RBFOX1: variants seen among roughly 807,000 people sequenced by gnomAD.
The protein encoded by RBFOX1 is RNA binding protein fox-1 homolog 1.
A neutral mutation model predicts 57.7 loss-of-function variants in RBFOX1; 8 were observed. The ratio of observed to expected loss-of-function variants is 0.14; its 90% confidence interval spans 0.08 to 0.25. The LOEUF (loss-of-function observed/expected upper bound fraction) is 0.25, where lower values mean the gene tolerates loss of function less well. Among genes scored for constraint, RBFOX1 ranks in the 10% least tolerant of loss-of-function variants. RBFOX1 has a pLI of 1.00. For missense variants in RBFOX1, 611 were observed against 548.5 expected, an observed-to-expected ratio of 1.11 and a Z score of -1.14; for synonymous variants, 326 against 222.4, an observed-to-expected ratio of 1.47 and a Z score of -4.15.
At chr16:5,718,679 G>A (rs997576547) in intron 3 of RBFOX1, among the ~76,000 whole-genome samples, 1 of 152,202 alleles carries the variant, frequency 6.6e-6, no homozygotes, top group Admixed American at 6.5e-5. Context: ...GGCCAAGGCA[G>A]GTGGATCACC....
At chr16:6,869,754 A>C (rs188802508) in intron 3 of RBFOX1, among the ~76,000 whole-genome samples, 83 of 152,328 alleles carry the variant, frequency 5.4e-4, no homozygotes, top group African/African-American at 1.9e-3. Context: ...GGAAATGGGT[A>C]AAATTCTAAA....
intron 4 of RBFOX1, among the ~76,000 whole-genome samples, chr16:5,965,385 T>A (rs898896446): frequency 1.3e-5 from 2 of 152,206 alleles, no homozygotes; most frequent in Non-Finnish European, 2.9e-5. Flanking sequence ...TGTGTACATA[T>A]ATCAAAACAT....
At chr16:7,571,955 C>G (rs2092819584) in intron 5 of RBFOX1, among the ~76,000 whole-genome samples, 1 of 152,136 alleles carries the variant, frequency 6.6e-6, no homozygotes, top group Non-Finnish European at 1.5e-5. Context: ...ATGATGAAAC[C>G]CTGTCTCTAT....
intron 3 of RBFOX1, among the ~76,000 whole-genome samples, chr16:6,684,437 A>T (rs1423277218): frequency 6.6e-6 from 1 of 152,234 alleles, no homozygotes; most frequent in East Asian, 1.9e-4. Context: ...AGGGAATATC[A>T]AGATGCAATC....
chr16:7,193,021 T>C (rs2085810984), intron 4 of RBFOX1, among the ~76,000 whole-genome samples: 1 of 152,212 alleles, frequency 6.6e-6, no homozygotes, highest in Admixed American at 6.5e-5. Context: ...TTGCCTTACC[T>C]ATGGCCATGT....
intron 3 of RBFOX1, among the ~76,000 whole-genome samples, chr16:5,818,327 A>C (rs1429400778): frequency 6.6e-6 from 1 of 152,152 alleles, no homozygotes; most frequent in Non-Finnish European, 1.5e-5. Context: ...ATTGCACATC[A>C]TGCCTTGCAA....
chr16:6,906,817 G>T (rs1360539039), intron 3 of RBFOX1, among the ~76,000 whole-genome samples: 2 of 151,702 alleles, frequency 1.3e-5, no homozygotes, highest in African/African-American at 2.4e-5. Context: ...CTACCTCCTG[G>T]GTTCAAGCAA....
rs1216945965 is a variant in RBFOX1 at position 5,608,408 on chromosome 16, A to G, written c.318+9447A>G. 2.6e-5 allele frequency among the ~76,000 whole-genome samples: 4 copies of G among 152,128 alleles called. 1 individual carries two copies. The highest frequency in any genetic ancestry group is 4.1e-4 in the South Asian group (2 of 4,820). On this transcript the variant is annotated intron_variant, in intron 3 of 19. Coordinates refer to the RBFOX1 transcript ENST00000641259. Reference sequence around the variant, plus strand: ...CACGTGGCCACATGATGAAGGGGCAATATGGCAAAGTGGTTCTGTGCATGG... The same window carrying G: ...CACGTGGCCACATGATGAAGGGGCAGTATGGCAAAGTGGTTCTGTGCATGG...
intron 3 of RBFOX1, among the ~76,000 whole-genome samples, chr16:7,036,692 C>A (rs751981365): frequency 1.9e-4 from 28 of 144,784 alleles, no homozygotes; most frequent in Non-Finnish European, 3.3e-4. Context: ...AACTCCGTCT[C>A]AAAAACAAAC....
intron 11 of RBFOX1, among the ~76,000 whole-genome samples, chr16:7,651,884 C>T (rs2065137328): frequency 6.6e-6 from 1 of 152,178 alleles, no homozygotes; most frequent in African/African-American, 2.4e-5. Context: ...ACAATACCTG[C>T]TGCTTAGTGA....
At chr16:6,685,649 A>C (rs2059344407) in intron 3 of RBFOX1, among the ~76,000 whole-genome samples, 1 of 152,020 alleles carries the variant, frequency 6.6e-6, no homozygotes, top group African/African-American at 2.4e-5. Context: ...AGTTACACAA[A>C]AGTCATCCAT....
intron 9 of RBFOX1, among the ~76,000 whole-genome samples, chr16:7,605,241 A>G (rs2095239520): frequency 6.6e-6 from 1 of 152,204 alleles, no homozygotes; most frequent in African/African-American, 2.4e-5. Context: ...ACATTCTGAA[A>G]TGTCTGAACT....
intron 1 of RBFOX1, among the ~76,000 whole-genome samples, chr16:5,433,061 A>G (rs143589321): frequency 3.3e-5 from 5 of 152,300 alleles, no homozygotes; most frequent in Non-Finnish European, 7.4e-5. Context: ...GATGGATGGA[A>G]AACGCAGGAG....
intron 3 of RBFOX1, among the ~76,000 whole-genome samples, chr16:5,757,963 G>T (rs1330017955): frequency 2.0e-5 from 3 of 152,160 alleles, no homozygotes; most frequent in African/African-American, 7.2e-5. Context: ...TCACTGTGAA[G>T]TTCTGTACTG....
At chr16:5,681,593 A>G (rs1037817272) in intron 3 of RBFOX1, among the ~76,000 whole-genome samples, 2 of 150,356 alleles carry the variant, frequency 1.3e-5, no homozygotes, top group African/African-American at 4.9e-5. Context: ...GACTTTCTCC[A>G]TGTTGGTCAG....
chr16:7,636,482 G>T (rs1355098751), intron 11 of RBFOX1, among the ~76,000 whole-genome samples: 1 of 152,180 alleles, frequency 6.6e-6, no homozygotes, highest in Admixed American at 6.5e-5. Flanking sequence ...GAATGGTTCA[G>T]ATGTTACACG....
At chr16:7,259,525 TGAGA>T (rs1051883545) in intron 4 of RBFOX1, among the ~76,000 whole-genome samples, 1 of 151,384 alleles carries the variant, frequency 6.6e-6, no homozygotes, top group Admixed American at 6.6e-5. Flanking sequence ...CATCATTTAC[TGAGA>T]GAAACAGGAG....
At chr16:6,973,541 T>G (rs997421475) in intron 3 of RBFOX1, among the ~76,000 whole-genome samples, 3 of 152,230 alleles carry the variant, frequency 2.0e-5, no homozygotes, top group African/African-American at 7.2e-5. Flanking sequence ...ATTTTTCAGC[T>G]TCTGTTTGGA....
chr16:5,317,393 G>C (rs2064271280), intron 1 of RBFOX1, among the ~76,000 whole-genome samples: 1 of 152,184 alleles, frequency 6.6e-6, no homozygotes, highest in Non-Finnish European at 1.5e-5. Context: ...CTGATCACTT[G>C]AGGCCAGGGG....
Sources: allele counts gnomAD v4.1 joint callset (sites outside exome capture counted in the v4.1 genomes callset), GRCh38; gene constraint gnomAD v4.1.1; transcripts MANE v1.5; gene names NCBI Gene and HGNC (gene_info 2026-07-23, HGNC 2026-07-21).